The following NALF1 variants were observed in gnomAD, a reference collection of about 807,000 sequenced individuals.
The protein encoded by NALF1 is family with sequence similarity 155 member A.
In NALF1, 3 loss-of-function variants were observed where a neutral mutation model predicts 48.4. The observed-to-expected ratio is 0.06, with a 90% confidence interval of 0.03 to 0.16. The LOEUF (loss-of-function observed/expected upper bound fraction) is 0.16, where lower values mean the gene tolerates loss of function less well. Ranked by LOEUF, NALF1 falls within the 10% of genes least tolerant of loss-of-function variation. NALF1 has a pLI of 1.00. For synonymous variants in NALF1, 262 were observed against 245.7 expected, an observed-to-expected ratio of 1.07 and a Z score of -0.62; for missense variants, 526 against 571.5, an observed-to-expected ratio of 0.92 and a Z score of 0.81.
rs944011605 is a variant in NALF1 at position 107,578,224 on chromosome 13, C to A, written c.915+287458G>T. 4.6e-5 allele frequency among the ~76,000 whole-genome samples: 7 copies of A among 152,270 alleles called. No homozygotes were observed. In the East Asian group the frequency reaches 1.2e-3, roughly 25 times the overall value. On this transcript the variant is annotated intron_variant, in intron 1 of 2. Transcript: ENST00000375915. ...TTCCACCTTTTCTTTACAAATAAGTCCTAAATCCATCAACTTTTATTTTTT... is the reference window on the plus strand; with the variant it reads ...TTCCACCTTTTCTTTACAAATAAGTACTAAATCCATCAACTTTTATTTTTT...
At chr13:107,254,166 C>T (rs145489115) in intron 1 of NALF1, among the ~76,000 whole-genome samples, 268 of 151,872 alleles carry the variant, frequency 1.8e-3, no homozygotes, top group African/African-American at 5.8e-3. Flanking sequence ...ACTTTTTATG[C>T]GCTCCAACTC....
chr13:107,212,818 A>G (rs1218439085), intron 1 of NALF1, among the ~76,000 whole-genome samples: 5 of 152,182 alleles, frequency 3.3e-5, no homozygotes, highest in African/African-American at 1.2e-4. Flanking sequence ...TCAAAAAATA[A>G]CATTCCATTA....
intron 1 of NALF1, among the ~76,000 whole-genome samples, chr13:107,726,895 C>T (rs1417041182): frequency 1.4e-5 from 2 of 147,706 alleles, no homozygotes; most frequent in South Asian, 2.2e-4. Flanking sequence ...TGAGACACCA[C>T]GCCCGGCCGG....
In NALF1 at chr13:107,507,622, A is replaced by AG. The variant is rs1227703748; in HGVS notation, c.916-296868dup. 1.3e-4 allele frequency among the ~76,000 whole-genome samples: 17 copies of AG among 129,100 alleles called. 1 individual carries two copies. The highest frequency in any genetic ancestry group is 2.5e-4 in the African/African-American group (9 of 35,320). The allele number at this position is 129,100 out of a possible 152,430, so 84.7% of individuals were successfully genotyped here. A position where few individuals can be genotyped will look rare whatever the true frequency, so the allele number is the denominator to read the frequency against. ...AAAAAAAAAAAAAAAAAAAAAAAAA[A>AG]GGGGCAAACACACCCAAGACAGTAG... is the stretch of plus-strand genomic sequence containing the variant. On this transcript the variant is annotated intron_variant, in intron 1 of 2. Transcript: ENST00000375915.
chr13:107,656,148 A>G (rs1880568192), intron 1 of NALF1, among the ~76,000 whole-genome samples: 1 of 151,694 alleles, frequency 6.6e-6, no homozygotes, highest in African/African-American at 2.4e-5. Flanking sequence ...AAAAAAAAAA[A>G]GATAAATAGA....
intron 1 of NALF1, among the ~76,000 whole-genome samples, chr13:107,475,017 C>T (rs182703625): frequency 6.6e-5 from 10 of 152,112 alleles, no homozygotes; most frequent in Admixed American, 6.6e-4. Flanking sequence ...GTCAAGTGGC[C>T]AGCAGGGTAC....
intron 1 of NALF1, among the ~76,000 whole-genome samples, chr13:107,855,097 G>T (rs147051353): frequency 6.6e-6 from 1 of 152,108 alleles, no homozygotes; most frequent in African/African-American, 2.4e-5. Flanking sequence ...GAGGCGTTTC[G>T]CTGACAGAAA....
chr13:107,475,529 A>C (rs1182738803), intron 1 of NALF1, among the ~76,000 whole-genome samples: 1 of 152,194 alleles, frequency 6.6e-6, no homozygotes, highest in Non-Finnish European at 1.5e-5. Flanking sequence ...TTGAGGGAGA[A>C]ATGTATTAAA....
chr13:107,698,054 C>CT (rs1442122537), intron 1 of NALF1, among the ~76,000 whole-genome samples: 1 of 152,168 alleles, frequency 6.6e-6, no homozygotes, highest in South Asian at 2.1e-4. Context: ...TTTGTTCTTG[C>CT]TTTTTTAAAT....
chr13:107,313,170 T>C (rs1443708988), intron 1 of NALF1, among the ~76,000 whole-genome samples: 1 of 151,170 alleles, frequency 6.6e-6, no homozygotes, highest in Non-Finnish European at 1.5e-5. Context: ...GGATCAAGAA[T>C]AGGAGACAAC....
chr13:107,581,282 A>G (rs1878300411), intron 1 of NALF1, among the ~76,000 whole-genome samples: 1 of 152,164 alleles, frequency 6.6e-6, no homozygotes, highest in Admixed American at 6.6e-5. Context: ...TAAACAAAAA[A>G]GTAACACCAT....
intron 1 of NALF1, among the ~76,000 whole-genome samples, chr13:107,380,296 G>C (rs1317560165): frequency 6.6e-6 from 1 of 152,056 alleles, no homozygotes; most frequent in South Asian, 2.1e-4. Context: ...TTTATATTGC[G>C]TATTTTTCAA....
intron 1 of NALF1, among the ~76,000 whole-genome samples, chr13:107,567,775 C>T (rs144188737): frequency 6.6e-6 from 1 of 152,144 alleles, no homozygotes; most frequent in African/African-American, 2.4e-5. Context: ...CCCTTTATAG[C>T]CAAACCCACC....
At chr13:107,252,644 C>G (rs1880726569) in intron 1 of NALF1, among the ~76,000 whole-genome samples, 1 of 152,142 alleles carries the variant, frequency 6.6e-6, no homozygotes, top group Non-Finnish European at 1.5e-5. Flanking sequence ...AAGTGAATCA[C>G]TAAGGCCAGT....
At chr13:107,777,767 AT>A (rs1223894358) in intron 1 of NALF1, among the ~76,000 whole-genome samples, 3 of 152,186 alleles carry the variant, frequency 2.0e-5, no homozygotes, top group African/African-American at 4.8e-5. Context: ...ACATCCATCA[AT>A]GCCTTTAAGA....
At chr13:107,863,325 C>T (rs1880627116) in intron 1 of NALF1, among the ~76,000 whole-genome samples, 1 of 152,014 alleles carries the variant, frequency 6.6e-6, no homozygotes, top group Non-Finnish European at 1.5e-5. Flanking sequence ...TTTTCAGAAT[C>T]AAAGAGAAAA....
In NALF1 at chr13:107,867,304, T is replaced by TGCCGCC. The variant is rs71121563; in HGVS notation, c.-714_-709dup. On this transcript the variant is annotated 5_prime_UTR_variant, in exon 1 of 3. Transcript: ENST00000375915. This position sits in a 1 kb window ranked among gnomAD's most constrained non-coding sequence, Gnocchi z 4.4. ...ACCCCCCACCCCGCGCTCTAAGTGCTGCCGCCGCCGCCGCCGCCGCCGCCG... is the reference window on the plus strand; with the variant it reads ...ACCCCCCACCCCGCGCTCTAAGTGCTGCCGCCGCCGCCGCCGCCGCCGCCGCCGCCG... Among the ~76,000 whole-genome samples the TGCCGCC allele has an allele frequency of 1.1e-4, 11 of 103,534 alleles. No individual in the cohort carries two copies. Among genetic ancestry groups the TGCCGCC allele is most frequent in the South Asian group, 7.4e-4 (2 of 2,696 alleles). 67.9% of individuals were successfully genotyped at this position (103,534 alleles called of 152,430 possible).
At chr13:107,221,884 G>A (rs779154378) in intron 1 of NALF1, among the ~76,000 whole-genome samples, 3 of 152,142 alleles carry the variant, frequency 2.0e-5, no homozygotes, top group Non-Finnish European at 4.4e-5. Flanking sequence ...GTTGTTTGTG[G>A]CTTGCAAGAA....
At chr13:107,411,106 T>C (rs1173343085) in intron 1 of NALF1, among the ~76,000 whole-genome samples, 2 of 152,114 alleles carry the variant, frequency 1.3e-5, no homozygotes, top group South Asian at 4.1e-4. Context: ...ATCTCAGCTT[T>C]CAAGACCTTA....
Sources: allele counts gnomAD v4.1 joint callset (sites outside exome capture counted in the v4.1 genomes callset), GRCh38; gene constraint gnomAD v4.1.1; non-coding constraint Gnocchi (gnomAD v3.1); transcripts MANE v1.5; gene names NCBI Gene and HGNC (gene_info 2026-07-23, HGNC 2026-07-21).